The following PRICKLE1 variants were observed in gnomAD, a reference collection of about 807,000 sequenced individuals.
PRICKLE1 encodes the protein prickle planar cell polarity protein 1.
Under a neutral mutation model 70.2 loss-of-function variants are expected in PRICKLE1, and 14 were observed. The ratio of observed to expected loss-of-function variants is 0.20; its 90% CI spans 0.13 to 0.31. The LOEUF (loss-of-function observed/expected upper bound fraction) is 0.31. Among genes scored for constraint, PRICKLE1 ranks in the 10% least tolerant of loss-of-function variants. The pLI is 1.00. For missense variants in PRICKLE1, 821 were observed against 1,026.2 expected (o/e 0.80, Z 2.73); for synonymous variants, 357 against 379.9 (o/e 0.94, Z 0.70).
chr12:42,565,506 AAAGCAGCATG>A (rs575026774), intron 1 of PRICKLE1, among the ~76,000 whole-genome samples: 1 of 152,200 alleles, frequency 6.6e-6, no homozygotes, highest in Non-Finnish European at 1.5e-5. Context: ...AGCACTAAAT[AAAGCAGCATG>A]AAATCAACAA....
intron 5 of PRICKLE1, 73 bp from the exon 6 acceptor site, chr12:42,466,453 A>T (rs1424345307): frequency 6.5e-6 from 9 of 1,380,844 alleles, no homozygotes. Flanking sequence ...AAGTAACTGC[A>T]TGTTTTCCGG....
rs2140116480 is a variant in PRICKLE1, at chr12:42,469,507, C to T, written c.327G>A (p.Leu109=). The change falls in exon 4 of 8, where the codon CTG becomes CTA. Residue 109 remains leucine (L), a synonymous_variant. Transcript: ENST00000345127. Reference sequence around the variant, plus strand: ...ACAGAAGCTTAATTGTTCCTCTTCCCAGTGCTTCTTTCTTCCGCTGAGCAC... The same window carrying T: ...ACAGAAGCTTAATTGTTCCTCTTCCTAGTGCTTCTTTCTTCCGCTGAGCAC... ...VFSAQRKKEA[L]GRGTIKLLSR... The T allele has an allele frequency of 1.2e-6, 2 of 1,614,174 alleles. No individual in the cohort carries two copies. Among genetic ancestry groups the T allele is most frequent in the Non-Finnish European group, 1.7e-6 (2 of 1,180,030 alleles).
chr12:42,548,848 C>T (rs1029311847), intron 1 of PRICKLE1, among the ~76,000 whole-genome samples: 4 of 152,082 alleles, frequency 2.6e-5, no homozygotes, highest in South Asian at 2.1e-4. Context: ...AGGCCGGGCG[C>T]GGTGGCTCAT....
intron 5 of PRICKLE1, 92 bp from the exon 6 acceptor site, chr12:42,466,472 C>T: frequency 1.8e-6 from 2 of 1,082,820 alleles, no homozygotes; most frequent in Non-Finnish European, 2.8e-6. Context: ...GGGCAATGGA[C>T]AGACACTGGC....
rs886049374 is a variant in PRICKLE1, at chr12:42,459,667, C to T, written c.*142G>A. The T allele has an allele frequency of 2.1e-6, 2 of 951,384 alleles. No homozygotes were observed. Among genetic ancestry groups the T allele is most frequent in the Non-Finnish European group, 3.3e-6 (2 of 606,652 alleles). The allele number at this position is 951,384 out of a possible 1,614,324, so 58.9% of individuals were successfully genotyped here. On this transcript the variant is annotated 3_prime_UTR_variant, in exon 8 of 8. Coordinates refer to ENST00000345127, the MANE Select transcript of PRICKLE1 (RefSeq NM_153026.3). ...ACACCTTTCAAATGTTAATCTGACA[C>T]TGTAAACAGCAGTTGAGTTCTCATT...
chr12:42,479,439 G>T (rs1938707286), intron 1 of PRICKLE1, among the ~76,000 whole-genome samples: 1 of 152,200 alleles, frequency 6.6e-6, no homozygotes, highest in African/African-American at 2.4e-5. Context: ...GTGGTCTATG[G>T]AGCATGACAG....
chr12:42,460,006 A>T lies in PRICKLE1; in HGVS notation c.2299T>A (p.Ser767Thr). 2 of 1,613,998 alleles carry T rather than the reference A, an allele frequency of 1.2e-6. No individual in the cohort carries two copies. Among genetic ancestry groups the T allele is most frequent in the Non-Finnish European group, 1.7e-6 (2 of 1,179,978 alleles). The stretch of plus-strand genomic sequence containing the variant: ...TCTTCTTCCGAGTCGGAAGAGGAGG[A>T]GGAGGAAGAACACCAGGAATCATCA... ...EDDDSWCSSS[S>T]SSSDSEEEGY... The change falls in exon 8 of 8, where the codon TCC becomes ACC. Residue 767 changes from serine to threonine, a missense_variant. Ser to Thr is a moderately conservative substitution (Grantham distance 58). Coordinates refer to ENST00000345127, the MANE Select transcript of PRICKLE1 (RefSeq NM_153026.3).
At chr12:42,527,947 ATATATATATATATATATATATATATC>A (rs1240588110) in intron 1 of PRICKLE1, among the ~76,000 whole-genome samples, 3,010 of 81,082 alleles carry the variant, frequency 0.037, 230 homozygotes, top group Middle Eastern at 0.071. Flanking sequence ...ATATATATAT[ATATATATATATATATATATATATATC>A]TCCAAAGTTT....
At chr12:42,548,067 A>G (rs1940244613) in intron 1 of PRICKLE1, among the ~76,000 whole-genome samples, 1 of 152,078 alleles carries the variant, frequency 6.6e-6, no homozygotes, top group Non-Finnish European at 1.5e-5. Context: ...GTGTTTTTTA[A>G]TAGAGATGTG....
chr12:42,524,521 C>A (rs1453754059), intron 1 of PRICKLE1, among the ~76,000 whole-genome samples: 1 of 152,166 alleles, frequency 6.6e-6, no homozygotes, highest in African/African-American at 2.4e-5. Flanking sequence ...TCAAGCGATT[C>A]TCCTGCCAGC....
intron 1 of PRICKLE1, among the ~76,000 whole-genome samples, chr12:42,570,668 A>T (rs1940694234): frequency 6.6e-6 from 1 of 152,076 alleles, no homozygotes; most frequent in Admixed American, 6.6e-5. Flanking sequence ...AAAAATACAA[A>T]AATTAGCCAG....
intron 1 of PRICKLE1, among the ~76,000 whole-genome samples, chr12:42,565,235 T>A (rs181920253): frequency 6.6e-6 from 1 of 152,270 alleles, no homozygotes; most frequent in East Asian, 1.9e-4. Flanking sequence ...GGCCATCAGC[T>A]CTGGAAGTTT....
intron 1 of PRICKLE1, among the ~76,000 whole-genome samples, chr12:42,514,767 C>G (rs954551299): frequency 2.4e-4 from 37 of 152,158 alleles, no homozygotes; most frequent in African/African-American, 8.9e-4. Flanking sequence ...TTTTGAGAAA[C>G]AGCAGTTCTC....
intron 1 of PRICKLE1, among the ~76,000 whole-genome samples, chr12:42,497,044 A>G (rs1939213903): frequency 6.6e-6 from 1 of 152,208 alleles, no homozygotes; most frequent in South Asian, 2.1e-4. Flanking sequence ...AGCTTTTAAC[A>G]TGTCTTACTC....
At chr12:42,472,251 C>A in intron 2 of PRICKLE1, 134 bp downstream of exon 2, 2 of 1,038,176 alleles carry the variant, frequency 1.9e-6, no homozygotes, top group South Asian at 2.8e-5. Flanking sequence ...CAAAGCCATA[C>A]AAAGAAGAAT....
rs141334021 is a variant in PRICKLE1 at position 42,531,043 on chromosome 12, CT to C, written c.-49+58421del. ...GCCCTATTGCTAAAGATGTTAAGGG[CT>C]TTTTTTTTTTTTTTTTTTTTTTGAC... is the stretch of plus-strand genomic sequence containing the variant. On this transcript the variant is annotated intron_variant, in intron 1 of 7. Coordinates refer to ENST00000345127, the MANE Select transcript of PRICKLE1 (RefSeq NM_153026.3). Among the ~76,000 whole-genome samples, 709 of 100,038 alleles carry C rather than the reference CT, an allele frequency of 7.1e-3. 4 individuals carry two copies. The highest frequency in any genetic ancestry group is 0.021 in the African/African-American group (503 of 24,090). 65.6% of individuals were successfully genotyped at this position (100,038 alleles called of 152,430 possible). A position where few individuals can be genotyped will look rare whatever the true frequency, so the allele number is the denominator to read the frequency against.
chr12:42,554,045 A>T (rs1940371783), intron 1 of PRICKLE1, among the ~76,000 whole-genome samples: 1 of 152,210 alleles, frequency 6.6e-6, no homozygotes. Context: ...CAGAGGTTGC[A>T]GTGGACTGAG....
intron 1 of PRICKLE1, among the ~76,000 whole-genome samples, chr12:42,497,259 T>C (rs186084750): frequency 6.6e-6 from 1 of 152,082 alleles, no homozygotes; most frequent in African/African-American, 2.4e-5. Context: ...AAAACATTTA[T>C]CGATGGCCGG....
chr12:42,465,664 GC>G, intron 6 of PRICKLE1: 1 of 270,092 alleles, frequency 3.7e-6, no homozygotes, highest in Non-Finnish European at 7.1e-6. Context: ...GTTTAAAATG[GC>G]CCCCAAGTGT....
Sources: gnomAD v4.1 joint callset for allele counts (sites outside exome capture counted in the v4.1 genomes callset) on GRCh38, gnomAD v4.1.1 for gene constraint, MANE v1.5 for transcripts, NCBI Gene and HGNC (gene_info 2026-07-23, HGNC 2026-07-21) for gene names.